The following ZNF407 variants were observed in gnomAD, a reference collection of about 807,000 sequenced individuals.
ZNF407 encodes zinc finger protein 407.
In ZNF407, 17 loss-of-function variants were observed where a neutral mutation model predicts 131.2. The observed-to-expected ratio is 0.13, with a 90% CI of 0.09 to 0.19. The LOEUF (loss-of-function observed/expected upper bound fraction) is 0.19. ZNF407 is among the 10% of genes least tolerant of loss of function. The probability of loss-of-function intolerance (pLI) is 1.00; values close to 1 mark genes in which losing one functional copy is unlikely to be tolerated. For synonymous variants in ZNF407, 1,156 were observed against 1,062.0 expected, an observed-to-expected ratio of 1.09 and a Z score of -1.72; for missense variants, 2,681 against 2,830.6, an observed-to-expected ratio of 0.95 and a Z score of 1.20.
chr18:75,035,994 T>C (rs1198548730), intron 8 of ZNF407, among the ~76,000 whole-genome samples: 2 of 152,178 alleles, frequency 1.3e-5, no homozygotes, highest in African/African-American at 4.8e-5. Context: ...GGGTGAGAGG[T>C]GGGCGAAGCC....
chr18:74,767,344 A>G (rs778921702), intron 3 of ZNF407, among the ~76,000 whole-genome samples: 2 of 152,130 alleles, frequency 1.3e-5, no homozygotes, highest in Non-Finnish European at 2.9e-5. Flanking sequence ...CATCTCGCCA[A>G]TGTTGCGGTA....
intron 7 of ZNF407, among the ~76,000 whole-genome samples, chr18:74,907,194 A>G (rs186212871): frequency 9.8e-5 from 15 of 152,302 alleles, no homozygotes; most frequent in Middle Eastern, 3.4e-3. Context: ...GTAAGGTTGA[A>G]TGCCCAGATA....
At chr18:74,934,635 G>A (rs1033297192) in intron 8 of ZNF407, among the ~76,000 whole-genome samples, 10 of 152,230 alleles carry the variant, frequency 6.6e-5, no homozygotes, top group Admixed American at 5.9e-4. Flanking sequence ...GCAAAACCCC[G>A]TCTCTACTAA....
At chr18:75,046,419 G>A (rs1322780753) in intron 8 of ZNF407, among the ~76,000 whole-genome samples, 2 of 152,168 alleles carry the variant, frequency 1.3e-5, no homozygotes, top group African/African-American at 4.8e-5. Flanking sequence ...TGAGAAAGAT[G>A]AATAGGAAAC....
intron 8 of ZNF407, among the ~76,000 whole-genome samples, chr18:74,955,195 G>A (rs1022512953): frequency 7.2e-5 from 11 of 151,876 alleles, no homozygotes; most frequent in Middle Eastern, 6.8e-3. Flanking sequence ...TGTGGGGACC[G>A]CAAGTCCAGA....
chr18:74,667,786 C>T (rs1985989779), intron 3 of ZNF407, among the ~76,000 whole-genome samples: 1 of 152,128 alleles, frequency 6.6e-6, no homozygotes, highest in South Asian at 2.1e-4. Context: ...CATATAGTTA[C>T]AAAGGGTAGC....
At chr18:74,793,351 A>G (rs1969861117) in intron 4 of ZNF407, among the ~76,000 whole-genome samples, 1 of 152,248 alleles carries the variant, frequency 6.6e-6, no homozygotes, top group Non-Finnish European at 1.5e-5. Flanking sequence ...TAAATTCACA[A>G]GTGTTTATTA....
At chr18:75,031,931 A>G (rs1973244931) in intron 8 of ZNF407, among the ~76,000 whole-genome samples, 1 of 152,222 alleles carries the variant, frequency 6.6e-6, no homozygotes, top group African/African-American at 2.4e-5. Flanking sequence ...TGATCCAGGA[A>G]AACATGTTAC....
At chr18:74,872,712 G>T (rs1363043186) in intron 4 of ZNF407, among the ~76,000 whole-genome samples, 1 of 149,820 alleles carries the variant, frequency 6.7e-6, no homozygotes, top group Non-Finnish European at 1.5e-5. Context: ...GCTGAGATCG[G>T]GCCACTCTAC....
At position 74,927,801 on chromosome 18, in the gene ZNF407, T is replaced by C. The variant is rs1334826934; in HGVS notation, c.5428+7109T>C. On this transcript the variant is annotated intron_variant, in intron 8 of 8. Coordinates refer to ENST00000299687, the MANE Select transcript of ZNF407 (RefSeq NM_017757.3). The stretch of plus-strand genomic sequence containing the variant: ...TATTTCAAGTTGCTATTAAGGATAA[T>C]GAATCTCATAACAACAAACATATAT... Among the ~76,000 whole-genome samples the C allele has an allele frequency of 4.6e-5, 7 of 150,870 alleles. No homozygotes were observed. The East Asian group carries it at 1.2e-3, about 25-fold the overall frequency.
intron 3 of ZNF407, among the ~76,000 whole-genome samples, chr18:74,764,257 G>A (rs1295206968): frequency 6.6e-6 from 1 of 152,040 alleles, no homozygotes; most frequent in East Asian, 1.9e-4. Context: ...CAACTAATTT[G>A]TTTTCATTTT....
intron 3 of ZNF407, among the ~76,000 whole-genome samples, chr18:74,678,569 T>C (rs1012299764): frequency 3.9e-5 from 6 of 152,182 alleles, no homozygotes; most frequent in African/African-American, 1.4e-4. Context: ...TTCATGATTT[T>C]CTTTGATTTT....
intron 8 of ZNF407, among the ~76,000 whole-genome samples, chr18:74,947,735 T>C (rs573337565): frequency 6.6e-6 from 1 of 152,272 alleles, no homozygotes; most frequent in East Asian, 1.9e-4. Context: ...GACAAACAGG[T>C]AGGCAGGACC....
In ZNF407 at chr18:74,631,272, A is replaced by G; in HGVS notation, c.253A>G (p.Lys85Glu). Residue 85 changes from lysine to glutamate, a missense_variant, in exon 2 of 9, where the codon AAA becomes GAA. Physicochemically the swap from Lys to Glu is moderately conservative, Grantham distance 56. Transcript: ENST00000299687. ...RRKLDEAEPL[K>E]SGKQGICRLE... ...GAAATTAGATGAGGCAGAGCCCCTTAAATCTGGAAAGCAAGGTATTTGTAG... is the reference window on the plus strand; with the variant it reads ...GAAATTAGATGAGGCAGAGCCCCTTGAATCTGGAAAGCAAGGTATTTGTAG... 1 of 1,614,028 alleles carries G rather than the reference A, an allele frequency of 6.2e-7. No individual in the cohort carries two copies. The highest frequency in any genetic ancestry group is 8.5e-7 in the Non-Finnish European group (1 of 1,179,892).
At position 74,631,058 on chromosome 18, in the gene ZNF407, T is replaced by C. The variant is rs1984036500; in HGVS notation, c.39T>C (p.Asp13=). ...DSENKPENDE[D]EKINKEAQDL... ...AGAATAAACCCGAAAATGATGAGGA[T>C]GAAAAGATAAACAAAGAAGCACAAG... The change falls in exon 2 of 9, where the codon GAT becomes GAC. Residue 13 remains aspartate (D), a synonymous_variant. Coordinates refer to ENST00000299687, the MANE Select transcript of ZNF407 (RefSeq NM_017757.3). 6.2e-7 allele frequency: 1 copy of C among 1,611,754 alleles called. No homozygotes were observed.
chr18:75,060,588 C>T (rs529421506), intron 8 of ZNF407, among the ~76,000 whole-genome samples: 1 of 147,086 alleles, frequency 6.8e-6, no homozygotes, highest in African/African-American at 2.5e-5. Flanking sequence ...TCACTGCGAG[C>T]TCCGCCTCCC....
Position 75,063,457 on chromosome 18 carries a change from C to A in ZNF407, c.5736C>A (p.Ile1912=). The A allele has an allele frequency of 6.2e-7, 1 of 1,606,550 alleles. No homozygotes were observed. The highest frequency in any genetic ancestry group is 8.5e-7 in the Non-Finnish European group (1 of 1,177,584). ...ATATCACGGAGGATGGCCAGGTCAT[C>A]GCCACGAGTCAGAGCGGGGCACATG... The part of the protein sequence containing the change: ...VVHITEDGQV[I]ATSQSGAHVG... The change falls in exon 9 of 9, where the codon ATC becomes ATA. Residue 1912 remains isoleucine (I), a synonymous_variant. Transcript: ENST00000299687. The surrounding 1 kb of genome is among the most constrained non-coding windows in gnomAD (Gnocchi z 6.6).
intron 8 of ZNF407, among the ~76,000 whole-genome samples, chr18:74,937,363 G>A (rs564907043): frequency 9.2e-5 from 14 of 152,240 alleles, no homozygotes; most frequent in African/African-American, 2.6e-4. Flanking sequence ...TAATTTAATG[G>A]TATGGTAGAA....
chr18:74,983,913 A>G (rs1972622738), intron 8 of ZNF407, among the ~76,000 whole-genome samples: 1 of 152,202 alleles, frequency 6.6e-6, no homozygotes, highest in Admixed American at 6.5e-5. Flanking sequence ...GTTAGCAAAG[A>G]TGAAGGGGAA....
Sources: gnomAD v4.1 joint callset for allele counts (sites outside exome capture counted in the v4.1 genomes callset) on GRCh38, gnomAD v4.1.1 for gene constraint, Gnocchi (gnomAD v3.1) non-coding constraint, MANE v1.5 for transcripts, NCBI Gene and HGNC (gene_info 2026-07-23, HGNC 2026-07-21) for gene names.